The following TUBGCP3 variants were observed in gnomAD, a reference collection of about 807,000 sequenced individuals.
TUBGCP3 encodes tubulin gamma complex component 3.
A neutral mutation model predicts 123.1 loss-of-function variants in TUBGCP3; 50 were observed. The observed-to-expected ratio is 0.41, with a 90% CI of 0.32 to 0.51. The LOEUF (loss-of-function observed/expected upper bound fraction) is 0.51, where lower values mean the gene tolerates loss of function less well. TUBGCP3 is among the 20% of genes least tolerant of loss of function. TUBGCP3 has a pLI of 0.36. For synonymous variants in TUBGCP3, 405 were observed against 413.9 expected (o/e 0.98, Z 0.26); for missense variants, 882 against 1,127.0 (o/e 0.78, Z 3.11).
chr13:112,526,982 C>T lies in TUBGCP3; in HGVS notation c.1515G>A (p.Lys505=), dbSNP rs1877186110. Residue 505 remains lysine (K), a synonymous_variant, in exon 13 of 22, where the codon AAG becomes AAA. Coordinates refer to ENST00000261965, the MANE Select transcript of TUBGCP3 (RefSeq NM_006322.6). Reference sequence around the variant, plus strand: ...CTGCAGACTTGGTCACAGCTATCATCTTTGTAGTGGGAGTCTGATCATGAC... The same window carrying T: ...CTGCAGACTTGGTCACAGCTATCATTTTTGTAGTGGGAGTCTGATCATGAC... ...QVCHDQTPTT[K]MIAVTKSAES... 1 of 1,614,152 alleles carries T rather than the reference C, an allele frequency of 6.2e-7. No homozygotes were observed. The highest frequency in any genetic ancestry group is 2.2e-5 in the East Asian group (1 of 44,880).
intron 8 of TUBGCP3, among the ~76,000 whole-genome samples, chr13:112,550,562 G>A (rs1446348764): frequency 2.0e-5 from 3 of 152,308 alleles, no homozygotes; most frequent in Admixed American, 2.0e-4. Context: ...AGCCCCTGAC[G>A]GTATGAACCT....
At chr13:112,565,321 T>G in intron 2 of TUBGCP3, 143 bp from the exon 3 acceptor site, 1 of 673,176 alleles carries the variant, frequency 1.5e-6, no homozygotes, top group South Asian at 1.9e-5. Context: ...ATGAGCAACT[T>G]TTAAGCTCTA....
At chr13:112,556,285 C>T (rs538502080) in intron 5 of TUBGCP3, 61 bp from the exon 6 acceptor site, 1 of 1,517,176 alleles carries the variant, frequency 6.6e-7, no homozygotes, top group African/African-American at 1.4e-5. Context: ...CAAAAGTGTC[C>T]CTAGAAATTT....
chr13:112,582,187 T>C (rs1882316753), intron 1 of TUBGCP3, among the ~76,000 whole-genome samples: 1 of 152,324 alleles, frequency 6.6e-6, no homozygotes, highest in Admixed American at 6.5e-5. Context: ...CAATGTCCAC[T>C]ACACGCTTCT....
intron 20 of TUBGCP3, among the ~76,000 whole-genome samples, chr13:112,497,465 A>G (rs1880600999): frequency 6.6e-6 from 1 of 152,260 alleles, no homozygotes; most frequent in Non-Finnish European, 1.5e-5. Flanking sequence ...TCTAAGCTAC[A>G]TATGGTCCTC....
chr13:112,551,951 C>T (rs1244848574), intron 8 of TUBGCP3, among the ~76,000 whole-genome samples: 2 of 152,032 alleles, frequency 1.3e-5, no homozygotes, highest in Admixed American at 6.6e-5. Flanking sequence ...GATTCTCATA[C>T]GAAGCATGCA....
In TUBGCP3 at chr13:112,524,690, T is replaced by C. The variant is rs1876906958; in HGVS notation, c.1556-2181A>G. On this transcript the variant is annotated intron_variant, in intron 13 of 21. Transcript: ENST00000261965. This position sits in a 1 kb window ranked among gnomAD's most constrained non-coding sequence, Gnocchi z 4.4. Reference sequence around the variant, plus strand: ...TTTAGGGTGAGAGGGCCCATGGCTCTCACATGCCTGGAAAGGGTGTCTCCC... The same window carrying C: ...TTTAGGGTGAGAGGGCCCATGGCTCCCACATGCCTGGAAAGGGTGTCTCCC... 1.3e-5 allele frequency among the ~76,000 whole-genome samples: 2 copies of C among 152,174 alleles called. No individual in the cohort carries two copies. Among genetic ancestry groups the C allele is most frequent in the South Asian group, 4.1e-4 (2 of 4,826 alleles).
At position 112,519,787 on chromosome 13, in the gene TUBGCP3, G is replaced by A; in HGVS notation, c.1881+99C>T. 6.9e-7 allele frequency: 1 copy of A among 1,444,218 alleles called. No homozygotes were observed. The highest frequency in any genetic ancestry group is 9.2e-7 in the Non-Finnish European group (1 of 1,092,710). 89.5% of individuals were successfully genotyped at this position (1,444,218 alleles called of 1,614,324 possible). On this transcript the variant is annotated intron_variant, in intron 15 of 21. Coordinates refer to ENST00000261965, the MANE Select transcript of TUBGCP3 (RefSeq NM_006322.6). The surrounding 1 kb of genome is among the most constrained non-coding windows in gnomAD (Gnocchi z 6.2). ...CCAGTTTCCAGAAAGATAACGGCTA[G>A]CTGTGCCTGAAACAACATGGAAAAC...
At position 112,516,421 on chromosome 13, in the gene TUBGCP3, G is replaced by A; in HGVS notation, c.2086+19C>T. The A allele has an allele frequency of 1.3e-6, 2 of 1,580,714 alleles. No homozygotes were observed. Among genetic ancestry groups the A allele is most frequent in the Non-Finnish European group, 1.7e-6 (2 of 1,161,300 alleles). On this transcript the variant is annotated intron_variant, in intron 17 of 21. Coordinates refer to ENST00000261965, the MANE Select transcript of TUBGCP3 (RefSeq NM_006322.6). Reference sequence around the variant, plus strand: ...CCGCTGGGAGTGTGTGCGGACCCGTGACCGTGCTGGGGGCTCACCTGGCAT... The same window carrying A: ...CCGCTGGGAGTGTGTGCGGACCCGTAACCGTGCTGGGGGCTCACCTGGCAT...
At chr13:112,500,280 AC>A (rs1880816066) in intron 19 of TUBGCP3, among the ~76,000 whole-genome samples, 1 of 152,196 alleles carries the variant, frequency 6.6e-6, no homozygotes, top group African/African-American at 2.4e-5. Flanking sequence ...CTAGGGCAGA[AC>A]CCTCTTAGCT....
intron 13 of TUBGCP3, among the ~76,000 whole-genome samples, chr13:112,525,594 T>C (rs1876985957): frequency 6.6e-6 from 1 of 152,168 alleles, no homozygotes; most frequent in Admixed American, 6.5e-5. Flanking sequence ...GCTATAAATA[T>C]AAGTTAGCCA....
intron 2 of TUBGCP3, among the ~76,000 whole-genome samples, 182 bp downstream of exon 2, chr13:112,568,970 A>T (rs945945746): frequency 2.6e-5 from 4 of 152,232 alleles, no homozygotes; most frequent in Admixed American, 2.0e-4. Context: ...AGAATTAAAC[A>T]TTCTAAAGTA....
At chr13:112,584,282 C>T (rs916204145) in intron 1 of TUBGCP3, 1 of 152,178 alleles carries the variant, frequency 6.6e-6, no homozygotes, top group Non-Finnish European at 1.5e-5. Flanking sequence ...TTATATCTAT[C>T]CACAGTTACC....
Position 112,508,452 on chromosome 13 carries a change from T to C in TUBGCP3, c.2087-3738A>G, listed in dbSNP as rs1199302085. Among the ~76,000 whole-genome samples, 1 of 152,124 alleles carries C rather than the reference T, an allele frequency of 6.6e-6. No homozygotes were observed. The highest frequency in any genetic ancestry group is 1.5e-5 in the Non-Finnish European group (1 of 68,030). On this transcript the variant is annotated intron_variant, in intron 17 of 21. Transcript: ENST00000261965. The surrounding 1 kb of genome is among the most constrained non-coding windows in gnomAD (Gnocchi z 4.2). ...AGAAGGGGCCTGTTAGTTGAAAAGGTATCGTGCACCACGACAGACAGGTCT... is the reference window on the plus strand; with the variant it reads ...AGAAGGGGCCTGTTAGTTGAAAAGGCATCGTGCACCACGACAGACAGGTCT...
chr13:112,525,441 A>G (rs1423443164), intron 13 of TUBGCP3, among the ~76,000 whole-genome samples: 1 of 152,198 alleles, frequency 6.6e-6, no homozygotes, highest in African/African-American at 2.4e-5. Flanking sequence ...CTCCTCTCCA[A>G]GACCAGACTA....
intron 2 of TUBGCP3, among the ~76,000 whole-genome samples, chr13:112,567,393 C>G (rs997642478): frequency 6.6e-6 from 1 of 152,166 alleles, no homozygotes; most frequent in Admixed American, 6.5e-5. Context: ...ATGCTCACCA[C>G]GAGGCCATGA....
chr13:112,555,134 C>T (rs1879919683), intron 6 of TUBGCP3, 129 bp from the exon 7 acceptor site: 2 of 612,820 alleles, frequency 3.3e-6, no homozygotes, highest in East Asian at 2.8e-5. Flanking sequence ...AATAAATAAG[C>T]TCAAGATGAA....
intron 17 of TUBGCP3, among the ~76,000 whole-genome samples, chr13:112,507,293 T>C (rs553979892): frequency 6.6e-6 from 1 of 152,338 alleles, no homozygotes; most frequent in African/African-American, 2.4e-5. Context: ...GATCCTAAAA[T>C]TTAGCACTGC....
intron 20 of TUBGCP3, among the ~76,000 whole-genome samples, chr13:112,492,323 CCCA>C (rs1880149918): frequency 6.6e-6 from 1 of 152,066 alleles, no homozygotes; most frequent in African/African-American, 2.4e-5. Flanking sequence ...CCATCTTTTC[CCCA>C]CCAACTTTTG....
Sources: gnomAD v4.1 joint callset for allele counts (sites outside exome capture counted in the v4.1 genomes callset) on GRCh38, gnomAD v4.1.1 for gene constraint, Gnocchi (gnomAD v3.1) non-coding constraint, MANE v1.5 for transcripts, NCBI Gene and HGNC (gene_info 2026-07-23, HGNC 2026-07-21) for gene names.